Variants in UNC13B observed in about 807,000 individuals in gnomAD.
The protein encoded by UNC13B is protein unc-13 homolog B.
Under a neutral mutation model 211.0 loss-of-function variants are expected in UNC13B, and 144 were observed. The ratio of observed to expected loss-of-function variants is 0.68; its 90% CI spans 0.60 to 0.78. UNC13B has a LOEUF of 0.78. Ranked by LOEUF, UNC13B falls within the 30% of genes least tolerant of loss-of-function variation. The probability of loss-of-function intolerance (pLI) is 0.00; values close to 1 mark genes in which losing one functional copy is unlikely to be tolerated. For missense variants in UNC13B, 1,777 were observed against 2,002.0 expected, an observed-to-expected ratio of 0.89 and a Z score of 2.14; for synonymous variants, 709 against 725.8, an observed-to-expected ratio of 0.98 and a Z score of 0.37.
chr9:35,305,043 C>T lies in UNC13B; in HGVS notation c.5639C>T (p.Thr1880Ile). The T allele has an allele frequency of 2.5e-6, 1 of 398,964 alleles. No homozygotes were observed. The highest frequency in any genetic ancestry group is 4.4e-6 in the Non-Finnish European group (1 of 226,010). 24.7% of individuals were successfully genotyped at this position (398,964 alleles called of 1,614,324 possible). Residue 1880 changes from threonine (T) to isoleucine (I), a missense_variant, in exon 9 of 40, where the codon ACA becomes ATA. Physicochemically the swap from Thr to Ile is moderately conservative, Grantham distance 89. Transcript: ENST00000635942. ...SGVKDDEIIT[T>I]DSISVSPAPQ... ...GTAAAAGATGATGAAATCATTACAA[C>T]AGACTCTATTTCAGTTTCTCCTGCA...
At chr9:35,356,425 G>C (rs541855914) in intron 11 of UNC13B, among the ~76,000 whole-genome samples, 1 of 152,048 alleles carries the variant, frequency 6.6e-6, no homozygotes, top group Non-Finnish European at 1.5e-5. Context: ...ACTCTCATGT[G>C]CATTGTATAA....
intron 11 of UNC13B, among the ~76,000 whole-genome samples, chr9:35,317,093 C>T (rs563851718): frequency 1.2e-3 from 177 of 152,058 alleles, no homozygotes; most frequent in African/African-American, 4.1e-3. Context: ...AATGAATAAG[C>T]GTACATATGT....
At chr9:35,211,347 T>TCGTG (rs1823953871) in intron 1 of UNC13B, among the ~76,000 whole-genome samples, 1 of 152,110 alleles carries the variant, frequency 6.6e-6, no homozygotes. Flanking sequence ...ATACTTTTTA[T>TCGTG]CGTGTGTGTG....
chr9:35,259,197 C>A, intron 7 of UNC13B, 147 bp downstream of exon 7: 1 of 794,598 alleles, frequency 1.3e-6, no homozygotes, highest in Non-Finnish European at 2.0e-6. Context: ...AGGCGCCTTT[C>A]TCTGATGGCT....
At chr9:35,169,080 G>A (rs1821201279) in intron 1 of UNC13B, among the ~76,000 whole-genome samples, 1 of 152,180 alleles carries the variant, frequency 6.6e-6, no homozygotes, top group Non-Finnish European at 1.5e-5. Context: ...GACAGGTGAG[G>A]TGGCTCATGC....
At chr9:35,166,912 A>G (rs762568628) in intron 1 of UNC13B, among the ~76,000 whole-genome samples, 10 of 151,702 alleles carry the variant, frequency 6.6e-5, no homozygotes, top group Non-Finnish European at 1.5e-4. Context: ...TCAATGATCT[A>G]TTTTCCTGTC....
rs763139148 is a variant in UNC13B, at chr9:35,381,679, G to T, written c.10615G>T (p.Ala3539Ser). ...ETAQEIVDEFAMRYGIESIYQ... is the reference protein window; with the variant it reads ...ETAQEIVDEFSMRYGIESIYQ... Reference sequence around the variant, plus strand: ...AGCCCAAGAAATTGTGGATGAATTTGCCATGCGTTATGGCATTGAGTCCAT... The same window carrying T: ...AGCCCAAGAAATTGTGGATGAATTTTCCATGCGTTATGGCATTGAGTCCAT... The change falls in exon 20 of 40, where the codon GCC becomes TCC. Residue 3539 changes from alanine to serine, a missense_variant. Transcript: ENST00000635942. 6.2e-7 allele frequency: 1 copy of T among 1,614,194 alleles called. No individual in the cohort carries two copies. Among genetic ancestry groups the T allele is most frequent in the Non-Finnish European group, 8.5e-7 (1 of 1,180,032 alleles).
intron 11 of UNC13B, chr9:35,361,396 A>T (rs1043993566): frequency 6.6e-6 from 1 of 152,224 alleles, no homozygotes; most frequent in African/African-American, 2.4e-5. Flanking sequence ...GGTAGGACAA[A>T]CTGAATAGCC....
At chr9:35,203,125 GT>G (rs968380439) in intron 1 of UNC13B, among the ~76,000 whole-genome samples, 1 of 152,112 alleles carries the variant, frequency 6.6e-6, no homozygotes, top group Non-Finnish European at 1.5e-5. Context: ...GCCAGTCTGT[GT>G]CTTTTAATTG....
intron 1 of UNC13B, among the ~76,000 whole-genome samples, chr9:35,174,267 CCTA>C (rs1308612032): frequency 6.6e-6 from 1 of 151,508 alleles, no homozygotes; most frequent in Non-Finnish European, 1.5e-5. Flanking sequence ...AGGTGATTCT[CCTA>C]CCTTAGCCTC....
chr9:35,303,007 G>A lies in UNC13B; in HGVS notation c.3603G>A (p.Glu1201=). 2.5e-6 allele frequency: 1 copy of A among 398,614 alleles called. No homozygotes were observed. Among genetic ancestry groups the A allele is most frequent in the Non-Finnish European group, 4.4e-6 (1 of 225,764 alleles). 24.7% of individuals were successfully genotyped at this position (398,614 alleles called of 1,614,324 possible). ...SNSGMIDHKP[E]EAKFMSLGNM... ...GCGGTATGATTGATCATAAACCAGA[G>A]GAAGCAAAGTTCATGTCTTTAGGCA... Residue 1201 remains glutamate, a synonymous_variant, in exon 9 of 40, where the codon GAG becomes GAA. Coordinates refer to ENST00000635942, the MANE Select transcript of UNC13B (RefSeq NM_001371189.2).
At position 35,361,947 on chromosome 9, in the gene UNC13B, G is replaced by A. The variant is rs375168303; in HGVS notation, c.9415-5000G>A. ...CTTGAATACAGGACACGTGAGGAGC[G>A]GAAGGAAAGTAAGCTAGAACGGTAG... On this transcript the variant is annotated intron_variant, in intron 11 of 39. Coordinates refer to ENST00000635942, the MANE Select transcript of UNC13B (RefSeq NM_001371189.2). 2.6e-5 allele frequency: 4 copies of A among 152,170 alleles called. No individual in the cohort carries two copies. In the East Asian group the frequency reaches 5.8e-4, roughly 22 times the overall value. 9.4% of individuals were successfully genotyped at this position (152,170 alleles called of 1,614,324 possible).
At position 35,378,897 on chromosome 9, in the gene UNC13B, A is replaced by C. The variant is rs184944891; in HGVS notation, c.10205+461A>C. On this transcript the variant is annotated intron_variant, in intron 17 of 39. Coordinates refer to ENST00000635942, the MANE Select transcript of UNC13B (RefSeq NM_001371189.2). ...AAAAGTGGAAATCTGGGTTCTGAAGAAGATGCTGTTTCCCATAAAGATAGT... is the reference window on the plus strand; with the variant it reads ...AAAAGTGGAAATCTGGGTTCTGAAGCAGATGCTGTTTCCCATAAAGATAGT... Among the ~76,000 whole-genome samples, 118 of 152,312 alleles carry C rather than the reference A, an allele frequency of 7.7e-4. 1 individual carries two copies. The East Asian group carries it at 0.019, about 24-fold the overall frequency.
At chr9:35,371,903 G>T (rs1350416718) in intron 13 of UNC13B, 1 of 152,624 alleles carries the variant, frequency 6.6e-6, no homozygotes, top group Non-Finnish European at 1.5e-5. Flanking sequence ...TTAACATCAT[G>T]TTGTTCTTTT....
chr9:35,168,148 A>G (rs188605988), intron 1 of UNC13B, among the ~76,000 whole-genome samples: 75 of 151,938 alleles, frequency 4.9e-4, no homozygotes, highest in South Asian at 1.2e-3. Flanking sequence ...GAACTTCTGG[A>G]CTCAAGTGAT....
At chr9:35,370,219 T>C (rs563200346) in intron 12 of UNC13B, 99 bp from the exon 13 acceptor site, 24 of 965,556 alleles carry the variant, frequency 2.5e-5, no homozygotes, top group Non-Finnish European at 3.8e-5. Flanking sequence ...CAGTTCATCT[T>C]CCTCTGGGGA....
chr9:35,181,840 A>G (rs1050042391), intron 1 of UNC13B, among the ~76,000 whole-genome samples: 5 of 152,188 alleles, frequency 3.3e-5, no homozygotes, highest in African/African-American at 2.4e-5. Context: ...TCAAAAAAAC[A>G]AATAAATAAA....
At chr9:35,354,983 T>C (rs1010342176) in intron 11 of UNC13B, among the ~76,000 whole-genome samples, 1 of 152,172 alleles carries the variant, frequency 6.6e-6, no homozygotes, top group African/African-American at 2.4e-5. Flanking sequence ...TAGCAAAGAT[T>C]AAAAATAACC....
chr9:35,170,029 T>A (rs1821249891), intron 1 of UNC13B, among the ~76,000 whole-genome samples: 1 of 152,236 alleles, frequency 6.6e-6, no homozygotes, highest in Non-Finnish European at 1.5e-5. Context: ...AGTGTTCTTA[T>A]ATAAACTCAA....
Sources: gnomAD v4.1 joint callset for allele counts (sites outside exome capture counted in the v4.1 genomes callset) on GRCh38, gnomAD v4.1.1 for gene constraint, MANE v1.5 for transcripts, NCBI Gene and HGNC (gene_info 2026-07-23, HGNC 2026-07-21) for gene names.